The following ZC2HC1B variants were observed in gnomAD, a reference collection of about 807,000 sequenced individuals.
ZC2HC1B encodes zinc finger C2HC-type containing 1B.
Under a neutral mutation model 31.0 loss-of-function variants are expected in ZC2HC1B, and 36 were observed. That is an observed-to-expected ratio of 1.16 (90% CI 0.89 to 1.54). The LOEUF (loss-of-function observed/expected upper bound fraction) is 1.54. Ranked by LOEUF, ZC2HC1B falls within the 40% of genes most tolerant of loss-of-function variation. The probability of loss-of-function intolerance (pLI) is 0.00; values close to 1 mark genes in which losing one functional copy is unlikely to be tolerated. For missense variants in ZC2HC1B, 260 were observed against 268.6 expected, an observed-to-expected ratio of 0.97 and a Z score of 0.22; for synonymous variants, 73 against 88.0, an observed-to-expected ratio of 0.83 and a Z score of 0.95.
chr6:143,903,284 G>C lies in ZC2HC1B; in HGVS notation c.598+132G>C. On this transcript the variant is annotated intron_variant, in intron 6 of 7. Coordinates refer to ENST00000237275, the MANE Select transcript of ZC2HC1B (RefSeq NM_001013623.3). This position sits in a 1 kb window ranked among gnomAD's most constrained non-coding sequence, Gnocchi z 4.3. The stretch of plus-strand genomic sequence containing the variant: ...TTGCTTTTGGATGCAAAGATATTTG[G>C]GTTAGAGGTTAAAGCTTATTTGCCA... The C allele has an allele frequency of 2.6e-6, 2 of 769,314 alleles. No homozygotes were observed. The highest frequency in any genetic ancestry group is 3.6e-5 in the South Asian group (2 of 55,820). The allele number at this position is 769,314 out of a possible 1,614,324, so 47.7% of individuals were successfully genotyped here.
chr6:143,935,076 T>A (rs1582981408), intron 6 of ZC2HC1B, among the ~76,000 whole-genome samples: 1 of 152,050 alleles, frequency 6.6e-6, no homozygotes, highest in Non-Finnish European at 1.5e-5. Context: ...GTGGCAGTAG[T>A]GAGCTGGGCG....
chr6:143,891,196 T>C (rs1777598233), intron 4 of ZC2HC1B, among the ~76,000 whole-genome samples: 1 of 151,698 alleles, frequency 6.6e-6, no homozygotes, highest in African/African-American at 2.4e-5. Context: ...TTTAGGGGTG[T>C]ATTTAACAAA....
At chr6:143,926,730 T>C (rs1264680583) in intron 6 of ZC2HC1B, among the ~76,000 whole-genome samples, 12 of 151,976 alleles carry the variant, frequency 7.9e-5, no homozygotes, top group Admixed American at 7.9e-4. Context: ...CAACTATTAT[T>C]GTATTGGAGT....
chr6:143,937,715 A>AT lies in ZC2HC1B; in HGVS notation c.667dup (p.Ter223LeufsTer25). The AT allele has an allele frequency of 6.4e-7, 1 of 1,550,728 alleles. No individual in the cohort carries two copies. The highest frequency in any genetic ancestry group is 8.7e-7 in the Non-Finnish European group (1 of 1,146,642). ...GGATTTAGTAAATCTTCTAAAAAAGATTAACTCCTAGAAGCCAGGTAAGAA... is the reference window on the plus strand; with the variant it reads ...GGATTTAGTAAATCTTCTAAAAAAGATTTAACTCCTAGAAGCCAGGTAAGAA... On this transcript the variant is annotated frameshift_variant, in exon 7 of 8. Coordinates refer to ENST00000237275, the MANE Select transcript of ZC2HC1B (RefSeq NM_001013623.3). LOFTEE classifies it high-confidence loss of function.
chr6:143,909,393 T>C lies in ZC2HC1B; in HGVS notation c.598+6241T>C, dbSNP rs190777789. On this transcript the variant is annotated intron_variant, in intron 6 of 7. Coordinates refer to ENST00000237275, the MANE Select transcript of ZC2HC1B (RefSeq NM_001013623.3). ...GCCTGGGTGACAGAGCTAGACTCCA[T>C]CTCAAAAAAGAAAAAAAAATAAGTT... Among the ~76,000 whole-genome samples the C allele has an allele frequency of 1.2e-4, 19 of 152,010 alleles. No homozygotes were observed. In the East Asian group the frequency reaches 3.1e-3, roughly 25 times the overall value.
chr6:143,920,800 C>A (rs1050433884), intron 6 of ZC2HC1B, among the ~76,000 whole-genome samples: 1 of 150,512 alleles, frequency 6.6e-6, no homozygotes, highest in Non-Finnish European at 1.5e-5. Flanking sequence ...CCCAGCTACT[C>A]GGGAGGCTGA....
At chr6:143,926,612 A>G (rs1201800521) in intron 6 of ZC2HC1B, among the ~76,000 whole-genome samples, 2 of 152,074 alleles carry the variant, frequency 1.3e-5, no homozygotes, top group Admixed American at 1.3e-4. Context: ...TATTCCATGC[A>G]TGTCTTTTAG....
intron 1 of ZC2HC1B, among the ~76,000 whole-genome samples, chr6:143,876,384 A>G (rs554036444): frequency 6.6e-6 from 1 of 150,526 alleles, no homozygotes; most frequent in Non-Finnish European, 1.5e-5. Flanking sequence ...GGAGTGTCAA[A>G]TGCATTTATT....
intron 1 of ZC2HC1B, among the ~76,000 whole-genome samples, chr6:143,875,786 G>C (rs1777400601): frequency 6.6e-6 from 1 of 150,628 alleles, no homozygotes; most frequent in African/African-American, 2.5e-5. Flanking sequence ...CCTGGCAACT[G>C]TCTCAGGGGA....
intron 6 of ZC2HC1B, among the ~76,000 whole-genome samples, chr6:143,910,643 G>A (rs1207880045): frequency 1.3e-5 from 2 of 152,200 alleles, no homozygotes; most frequent in Non-Finnish European, 2.9e-5. Flanking sequence ...GAATCTACAT[G>A]CTCCTGTATT....
chr6:143,869,928 C>T lies in ZC2HC1B; in HGVS notation c.28+5361C>T, dbSNP rs1168729387. 6.6e-6 allele frequency among the ~76,000 whole-genome samples: 1 copy of T among 152,134 alleles called. No homozygotes were observed. The highest frequency in any genetic ancestry group is 2.4e-5 in the African/African-American group (1 of 41,416). On this transcript the variant is annotated intron_variant, in intron 1 of 7. Transcript: ENST00000237275. The surrounding 1 kb of genome is among the most constrained non-coding windows in gnomAD (Gnocchi z 5.2). ...AAGAGGCTGAGTGGTGTCCACAGAA[C>T]GGGTCATCCTATCCACTTGATTATT...
chr6:143,897,926 C>A (rs76410161), intron 4 of ZC2HC1B, among the ~76,000 whole-genome samples: 3,105 of 152,302 alleles, frequency 0.02, 121 homozygotes, highest in African/African-American at 0.072. Context: ...GAACTACTTT[C>A]TTTACACAGG....
chr6:143,894,205 C>A (rs1777635254), intron 4 of ZC2HC1B, among the ~76,000 whole-genome samples: 2 of 152,018 alleles, frequency 1.3e-5, no homozygotes, highest in Admixed American at 1.3e-4. Flanking sequence ...GTCTAGTACT[C>A]AACTATAAGG....
In ZC2HC1B at chr6:143,924,929, G is replaced by A. The variant is rs1778017334; in HGVS notation, c.599-12720G>A. On this transcript the variant is annotated intron_variant, in intron 6 of 7. Coordinates refer to ENST00000237275, the MANE Select transcript of ZC2HC1B (RefSeq NM_001013623.3). This position sits in a 1 kb window ranked among gnomAD's most constrained non-coding sequence, Gnocchi z 5.2. ...CTTTTTTGTGTCTGTGTTCATCAGG[G>A]GTATTGGCCTGTAGTTTTCTATTTC... Among the ~76,000 whole-genome samples the A allele has an allele frequency of 6.6e-6, 1 of 152,000 alleles. No homozygotes were observed. Among genetic ancestry groups the A allele is most frequent in the Non-Finnish European group, 1.5e-5 (1 of 67,994 alleles).
At chr6:143,876,281 C>A (rs7774531) in intron 1 of ZC2HC1B, among the ~76,000 whole-genome samples, 3,214 of 150,580 alleles carry the variant, frequency 0.021, 289 homozygotes, top group African/African-American at 0.076. Flanking sequence ...GAGCAACCAA[C>A]CAGCTTCATT....
chr6:143,920,815 G>A (rs1342156758), intron 6 of ZC2HC1B, among the ~76,000 whole-genome samples: 3 of 151,356 alleles, frequency 2.0e-5, no homozygotes, highest in African/African-American at 7.3e-5. Context: ...GGCTGAGGCA[G>A]GAGAATCGCT....
rs186177645 is a variant in ZC2HC1B, at chr6:143,933,143, A to G, written c.599-4506A>G. On this transcript the variant is annotated intron_variant, in intron 6 of 7. Coordinates refer to ENST00000237275, the MANE Select transcript of ZC2HC1B (RefSeq NM_001013623.3). The surrounding 1 kb of genome is among the most constrained non-coding windows in gnomAD (Gnocchi z 6.4). Reference sequence around the variant, plus strand: ...TGGTTATGCTAGCAGCGAAGTTGTCATGTGGACAGACTCGGGACCACTGGT... The same window carrying G: ...TGGTTATGCTAGCAGCGAAGTTGTCGTGTGGACAGACTCGGGACCACTGGT... 4.1e-3 allele frequency among the ~76,000 whole-genome samples: 632 copies of G among 152,318 alleles called. 7 individuals carry two copies. The highest frequency in any genetic ancestry group is 4.6e-3 in the Non-Finnish European group (316 of 68,026).
Position 143,905,448 on chromosome 6 carries a change from G to T in ZC2HC1B, c.598+2296G>T, listed in dbSNP as rs1777782254. Among the ~76,000 whole-genome samples the T allele has an allele frequency of 6.6e-6, 1 of 152,160 alleles. No homozygotes were observed. The highest frequency in any genetic ancestry group is 2.4e-5 in the African/African-American group (1 of 41,452). ...TGAATTAATTTATTGCTTCTAATAA[G>T]TTTTTTGGTGATATCTTTAGGATTT... is the stretch of plus-strand genomic sequence containing the variant. On this transcript the variant is annotated intron_variant, in intron 6 of 7. Coordinates refer to ENST00000237275, the MANE Select transcript of ZC2HC1B (RefSeq NM_001013623.3). This position sits in a 1 kb window ranked among gnomAD's most constrained non-coding sequence, Gnocchi z 4.2.
intron 6 of ZC2HC1B, among the ~76,000 whole-genome samples, chr6:143,906,367 A>G (rs9496807): frequency 0.017 from 2,589 of 151,910 alleles, 78 homozygotes; most frequent in African/African-American, 0.058. Flanking sequence ...TTTCTATAGC[A>G]TTGGTAGTCA....
Sources: allele counts gnomAD v4.1 joint callset (sites outside exome capture counted in the v4.1 genomes callset), GRCh38; gene constraint gnomAD v4.1.1; non-coding constraint Gnocchi (gnomAD v3.1); transcripts MANE v1.5; gene names NCBI Gene and HGNC (gene_info 2026-07-23, HGNC 2026-07-21).